The following ARFGEF2 variants were observed in gnomAD, a reference collection of about 807,000 sequenced individuals.
ARFGEF2 encodes ARF guanine nucleotide exchange factor 2.
In ARFGEF2, 74 loss-of-function variants were observed where a neutral mutation model predicts 219.9. That is an observed-to-expected ratio of 0.34 (90% confidence interval 0.28 to 0.41). The LOEUF (loss-of-function observed/expected upper bound fraction) is 0.41. ARFGEF2 is among the 10% of genes least tolerant of loss of function. The pLI is 1.00. For synonymous variants in ARFGEF2, 733 were observed against 799.2 expected (o/e 0.92, Z 1.40); for missense variants, 1,743 against 2,218.3 (o/e 0.79, Z 4.30).
At chr20:48,924,373 G>A (rs1371970427) in intron 1 of ARFGEF2, among the ~76,000 whole-genome samples, 3 of 152,072 alleles carry the variant, frequency 2.0e-5, no homozygotes, top group African/African-American at 4.8e-5. Context: ...TTAGCTGGGC[G>A]CTGTGGCGGG....
At chr20:49,007,332 G>A (rs948978895) in intron 26 of ARFGEF2, among the ~76,000 whole-genome samples, 10 of 138,712 alleles carry the variant, frequency 7.2e-5, no homozygotes, top group South Asian at 2.2e-4. Flanking sequence ...TCTTTTTGCC[G>A]AGGCTGGAGT....
At chr20:48,932,227 T>A (rs2090917627) in intron 1 of ARFGEF2, among the ~76,000 whole-genome samples, 1 of 152,104 alleles carries the variant, frequency 6.6e-6, no homozygotes, top group African/African-American at 2.4e-5. Flanking sequence ...GTTGTAGGTT[T>A]GCTAACAGCA....
At position 48,998,241 on chromosome 20, in the gene ARFGEF2, T is replaced by C; in HGVS notation, c.3262+8T>C. The C allele has an allele frequency of 6.2e-7, 1 of 1,613,984 alleles. No homozygotes were observed. The highest frequency in any genetic ancestry group is 8.5e-7 in the Non-Finnish European group (1 of 1,179,844). On this transcript the variant is annotated splice_region_variant and intron_variant, in intron 24 of 38. Coordinates refer to ENST00000371917, the MANE Select transcript of ARFGEF2 (RefSeq NM_006420.3). ...TGGATGGAAATGCAATAGGTATGTATTTGACTTACCTGTGAAAACTGCAGA... is the reference window on the plus strand; with the variant it reads ...TGGATGGAAATGCAATAGGTATGTACTTGACTTACCTGTGAAAACTGCAGA...
Position 49,025,210 on chromosome 20 carries a change from G to A in ARFGEF2, c.4756-103G>A, listed in dbSNP as rs2273532. ...GGGGAATAAGTGTGTCTTATAGACA[G>A]GGATGACTTTTGGAGAGTCATGACT... On this transcript the variant is annotated intron_variant, in intron 35 of 38. Coordinates refer to ENST00000371917, the MANE Select transcript of ARFGEF2 (RefSeq NM_006420.3). The A allele has an allele frequency of 0.021, 24,653 of 1,186,226 alleles. 633 individuals are homozygous for A. Among genetic ancestry groups the A allele is most frequent in the East Asian group, 0.08 (3,135 of 39,016 alleles). 73.5% of individuals were successfully genotyped at this position (1,186,226 alleles called of 1,614,324 possible). A position where few individuals can be genotyped will look rare whatever the true frequency, so the allele number is the denominator to read the frequency against.
At chr20:48,985,128 T>TA (rs961375801) in intron 15 of ARFGEF2, among the ~76,000 whole-genome samples, 2 of 151,984 alleles carry the variant, frequency 1.3e-5, no homozygotes, top group African/African-American at 4.8e-5. Context: ...AGAAAGTTCT[T>TA]ACGGCTGCCT....
chr20:49,027,138 G>A (rs1331374538), intron 36 of ARFGEF2, among the ~76,000 whole-genome samples: 1 of 151,504 alleles, frequency 6.6e-6, no homozygotes, highest in Non-Finnish European at 1.5e-5. Context: ...AGGCTGGAGT[G>A]CAGTGGCGTG....
At chr20:49,025,873 T>G (rs555525553) in intron 36 of ARFGEF2, among the ~76,000 whole-genome samples, 11 of 151,580 alleles carry the variant, frequency 7.3e-5, no homozygotes. Context: ...TCCCAGCTAC[T>G]TGGGAGGCCG....
rs762641248 is a variant in ARFGEF2 at position 49,010,365 on chromosome 20, A to G, written c.3718A>G (p.Ile1240Val). 54 of 1,614,150 alleles carry G rather than the reference A, an allele frequency of 3.3e-5. No individual in the cohort carries two copies. The highest frequency in any genetic ancestry group is 3.9e-5 in the Non-Finnish European group (46 of 1,180,028). ...GGCAGCCTCTGATCATGATGGGAAC[A>G]TTGTGGAGCTGGCCTTCCAGACCAC... ...HQAASDHDGN[I>V]VELAFQTTCH... The change falls in exon 27 of 39, where the codon ATT becomes GTT. Residue 1240 changes from isoleucine to valine, a missense_variant. Physicochemically the swap from Ile to Val is conservative, Grantham distance 29. Around this residue, in one of 5 missense-constraint regions of ARFGEF2, gnomAD observed 102 missense variants for 146.8 expected, o/e 0.69. Coordinates refer to ENST00000371917, the MANE Select transcript of ARFGEF2 (RefSeq NM_006420.3).
chr20:48,922,093 T>C (rs1019301998), intron 1 of ARFGEF2, 83 bp downstream of exon 1: 2 of 1,493,562 alleles, frequency 1.3e-6, no homozygotes, highest in African/African-American at 2.8e-5. Context: ...TGGCCCGGCC[T>C]CCTGGCCTCC....
intron 3 of ARFGEF2, among the ~76,000 whole-genome samples, chr20:48,950,829 T>A (rs202218899): frequency 6.2e-5 from 8 of 128,180 alleles, no homozygotes; most frequent in South Asian, 4.9e-4. Context: ...TATATATATA[T>A]ATATATATAT....
At chr20:48,941,176 G>T in intron 1 of ARFGEF2, 23 bp from the exon 2 acceptor site, 1 of 1,610,000 alleles carries the variant, frequency 6.2e-7, no homozygotes, top group East Asian at 2.2e-5. Flanking sequence ...TTCCTAATGT[G>T]TTTTTTCTTC....
At chr20:48,947,469 C>G (rs1462744964) in intron 3 of ARFGEF2, among the ~76,000 whole-genome samples, 8 of 151,982 alleles carry the variant, frequency 5.3e-5, no homozygotes, top group Admixed American at 2.6e-4. Context: ...TTTGGGAGGC[C>G]AAGGTGGAAG....
chr20:48,945,451 ATCGTTTGTTT>A (rs1278318481), intron 3 of ARFGEF2, among the ~76,000 whole-genome samples: 1 of 152,176 alleles, frequency 6.6e-6, no homozygotes, highest in Non-Finnish European at 1.5e-5. Flanking sequence ...AGTAACAGAA[ATCGTTTGTTT>A]CTGGAACTCC....
rs149481246 is a variant in ARFGEF2, at chr20:49,016,739, ACAGCTT to A, written c.4315+327_4315+332del. ...AAATGTATTGTTTCAGTCAAGATCAACAGCTTCATCAACAGACAATTATTTTAGAGT... is the reference window on the plus strand; with the variant it reads ...AAATGTATTGTTTCAGTCAAGATCAACATCAACAGACAATTATTTTAGAGT... On this transcript the variant is annotated intron_variant, in intron 31 of 38. Transcript: ENST00000371917. Among the ~76,000 whole-genome samples the A allele has an allele frequency of 1.4e-3, 207 of 152,334 alleles. 1 individual carries two copies. The highest frequency in any genetic ancestry group is 4.7e-3 in the African/African-American group (194 of 41,582).
At chr20:48,932,824 G>A (rs2090921408) in intron 1 of ARFGEF2, among the ~76,000 whole-genome samples, 1 of 152,218 alleles carries the variant, frequency 6.6e-6, no homozygotes, top group African/African-American at 2.4e-5. Context: ...CTGGCTTGGA[G>A]TGGAGGAGGA....
At chr20:48,949,234 G>A (rs899505977) in intron 3 of ARFGEF2, among the ~76,000 whole-genome samples, 4 of 152,162 alleles carry the variant, frequency 2.6e-5, no homozygotes, top group Non-Finnish European at 4.4e-5. Context: ...TAGTTAAAGT[G>A]CGAAAGTCGT....
chr20:48,922,556 A>C (rs1463564363), intron 1 of ARFGEF2, among the ~76,000 whole-genome samples: 1 of 152,240 alleles, frequency 6.6e-6, no homozygotes, highest in Non-Finnish European at 1.5e-5. Flanking sequence ...AGTGAGCAAG[A>C]CATCTGCTTA....
Position 49,018,871 on chromosome 20 carries a change from G to T in ARFGEF2, c.4510-13G>T, listed in dbSNP as rs1185879999. The T allele has an allele frequency of 3.1e-6, 5 of 1,606,378 alleles. No individual in the cohort carries two copies. Among genetic ancestry groups the T allele is most frequent in the Non-Finnish European group, 4.3e-6 (5 of 1,173,236 alleles). On this transcript the variant is annotated splice_polypyrimidine_tract_variant and intron_variant, in intron 33 of 38. Coordinates refer to ENST00000371917, the MANE Select transcript of ARFGEF2 (RefSeq NM_006420.3). Reference sequence around the variant, plus strand: ...AAAAGTGAGCATTGTGTTTCCCTCTGGTTTACATTTAGGATGTGGATCTGG... The same window carrying T: ...AAAAGTGAGCATTGTGTTTCCCTCTTGTTTACATTTAGGATGTGGATCTGG...
At chr20:48,999,547 A>G (rs1166823513) in intron 25 of ARFGEF2, among the ~76,000 whole-genome samples, 1 of 152,112 alleles carries the variant, frequency 6.6e-6, no homozygotes, top group Non-Finnish European at 1.5e-5. Flanking sequence ...GGAGATCGAG[A>G]CCGTCCTGGC....
Sources: allele counts gnomAD v4.1 joint callset (sites outside exome capture counted in the v4.1 genomes callset), GRCh38; gene constraint gnomAD v4.1.1; regional missense constraint gnomAD v4.1.1; transcripts MANE v1.5; gene names NCBI Gene and HGNC (gene_info 2026-07-23, HGNC 2026-07-21).